ERMARD: variants seen among roughly 807,000 people sequenced by gnomAD.
The protein encoded by ERMARD is endoplasmic reticulum membrane-associated RNA degradation protein.
Under a neutral mutation model 83.9 loss-of-function variants are expected in ERMARD, and 71 were observed. The ratio of observed to expected loss-of-function variants is 0.85; its 90% CI spans 0.70 to 1.03. The LOEUF is 1.03. ERMARD is among the 50% of genes least tolerant of loss of function. The pLI, the probability that ERMARD is intolerant of heterozygous loss-of-function variation, is 0.00. For synonymous variants in ERMARD, 284 were observed against 298.6 expected (o/e 0.95, Z 0.50); for missense variants, 838 against 810.9 (o/e 1.03, Z -0.41).
chr6:169,753,724 C>G (rs1790448224), intron 1 of ERMARD, 140 bp from the exon 2 acceptor site: 1 of 514,544 alleles, frequency 1.9e-6, no homozygotes, highest in Admixed American at 3.5e-5. Flanking sequence ...TTTAATCATA[C>G]AGCTCTCACG....
chr6:169,779,916 G>A (rs768339710), intron 17 of ERMARD, among the ~76,000 whole-genome samples: 35 of 152,334 alleles, frequency 2.3e-4, no homozygotes, highest in Non-Finnish European at 1.8e-4. Context: ...AGGCTTCCGG[G>A]CAGAGGTCAA....
chr6:169,767,800 C>T (rs550274675), intron 10 of ERMARD: 34 of 377,408 alleles, frequency 9.0e-5, no homozygotes, highest in African/African-American at 6.6e-4. Context: ...TGCATATAAA[C>T]ACACAAATGT....
chr6:169,753,331 A>T (rs1790385396), intron 1 of ERMARD: 1 of 154,320 alleles, frequency 6.5e-6, no homozygotes, highest in Non-Finnish European at 1.5e-5. Context: ...ATGTTTTGGG[A>T]TGACATTGTG....
chr6:169,762,585 C>A (rs1264796110), intron 9 of ERMARD, 54 bp downstream of exon 9: 2 of 1,456,884 alleles, frequency 1.4e-6, no homozygotes, highest in East Asian at 4.6e-5. Flanking sequence ...TAACAGTTTT[C>A]TGTTACCAAT....
chr6:169,774,101 C>A (rs111948095), intron 13 of ERMARD, among the ~76,000 whole-genome samples: 1 of 152,100 alleles, frequency 6.6e-6, no homozygotes, highest in African/African-American at 2.4e-5. Flanking sequence ...TTTGGGAGGC[C>A]GAGGCGGGCG....
At chr6:169,756,943 C>A in intron 5 of ERMARD, 135 bp downstream of exon 5, 1 of 759,108 alleles carries the variant, frequency 1.3e-6, no homozygotes, top group East Asian at 2.6e-5. Flanking sequence ...GCCTCAGAAT[C>A]ATGGCAGGAG....
chr6:169,762,580 GTTTTCTGTTACCAATTAAAAGTTTTT>G, intron 9 of ERMARD, 49 bp downstream of exon 9: 3 of 1,475,340 alleles, frequency 2.0e-6, no homozygotes, highest in Non-Finnish European at 2.8e-6. Flanking sequence ...TGTATTAACA[GTTTTCTGTTACCAATTAAAAGTTTTT>G]AAAAATGTTA....
At chr6:169,767,819 C>T (rs1182992932) in intron 10 of ERMARD, 2 of 420,368 alleles carry the variant, frequency 4.8e-6, no homozygotes, top group Admixed American at 3.8e-5. Flanking sequence ...GTACACACCC[C>T]CACACCACAT....
Position 169,776,690 on chromosome 6 carries a change from C to A in ERMARD, c.1739+17C>A. 1.9e-6 allele frequency: 3 copies of A among 1,612,106 alleles called. No homozygotes were observed. Among genetic ancestry groups the A allele is most frequent in the Non-Finnish European group, 2.5e-6 (3 of 1,179,564 alleles). ...GTGGAGTAGGTGCGCGCTCACTTTC[C>A]TGTTTTGGAGGGGCACTGTGGGGCA... is the stretch of plus-strand genomic sequence containing the variant. On this transcript the variant is annotated intron_variant, in intron 16 of 17. Transcript: ENST00000366773.
At chr6:169,768,761 G>A (rs570543325) in intron 11 of ERMARD, among the ~76,000 whole-genome samples, 17 of 152,196 alleles carry the variant, frequency 1.1e-4, no homozygotes, top group Middle Eastern at 3.4e-3. Context: ...GCAAGACTCC[G>A]TCTGAAAATA....
chr6:169,764,808 TCCTCAC>T (rs1032081696), intron 9 of ERMARD, among the ~76,000 whole-genome samples: 1 of 152,214 alleles, frequency 6.6e-6, no homozygotes, highest in Non-Finnish European at 1.5e-5. Flanking sequence ...CTTACTTTGT[TCCTCAC>T]CCCCAGATTT....
chr6:169,776,587 C>G lies in ERMARD; in HGVS notation c.1653C>G (p.Thr551=). The change falls in exon 16 of 18, where the codon ACC becomes ACG. Residue 551 remains threonine (T), a synonymous_variant. Coordinates refer to ENST00000366773, the MANE Select transcript of ERMARD (RefSeq NM_018341.3). ...EQCRRVSSQV[T]VASELRHRQW... ...GCCGCCGTGTGTCCAGCCAGGTCAC[C>G]GTTGCCTCAGAGCTGAGACACAGGC... The G allele has an allele frequency of 1.2e-6, 2 of 1,614,234 alleles. No homozygotes were observed. The highest frequency in any genetic ancestry group is 1.7e-6 in the Non-Finnish European group (2 of 1,180,054).
chr6:169,767,679 T>G (rs768155818), intron 10 of ERMARD: 2 of 214,718 alleles, frequency 9.3e-6, no homozygotes, highest in Non-Finnish European at 1.9e-5. Context: ...ACAACACACA[T>G]GCACACACCA....
At position 169,776,072 on chromosome 6, in the gene ERMARD, TC is replaced by T. The variant is rs1175760086; in HGVS notation, c.1520+9del. On this transcript the variant is annotated splice_region_variant and intron_variant, in intron 15 of 17. Coordinates refer to ENST00000366773, the MANE Select transcript of ERMARD (RefSeq NM_018341.3). Reference sequence around the variant, plus strand: ...ATCGTCTTCCTACTGAGACGTAAGTTCCAGGACATCCTGACAACTGTTGAAA... The same window carrying T: ...ATCGTCTTCCTACTGAGACGTAAGTTCAGGACATCCTGACAACTGTTGAAA... 2 of 1,611,608 alleles carry T rather than the reference TC, an allele frequency of 1.2e-6. No individual in the cohort carries two copies. The highest frequency in any genetic ancestry group is 2.2e-5 in the South Asian group (2 of 90,198).
At chr6:169,775,777 T>C in intron 14 of ERMARD, 163 bp from the exon 15 acceptor site, 1 of 916,434 alleles carries the variant, frequency 1.1e-6, no homozygotes. Flanking sequence ...GCATCGTTTG[T>C]TTCTCCACTG....
At chr6:169,757,183 A>T (rs1225097614) in intron 5 of ERMARD, among the ~76,000 whole-genome samples, 5 of 152,152 alleles carry the variant, frequency 3.3e-5, no homozygotes, top group African/African-American at 9.7e-5. Flanking sequence ...ACACAGCCAA[A>T]CCATATCACG....
upstream of ERMARD, chr6:169,751,316 C>T (rs1169545209): frequency 6.2e-7 from 1 of 1,607,604 alleles, no homozygotes; most frequent in Non-Finnish European, 8.5e-7. Context: ...CCGTCTCGGG[C>T]CCCTAGCAGT....
intron 16 of ERMARD, among the ~76,000 whole-genome samples, chr6:169,778,319 T>G (rs951313442): frequency 1.4e-4 from 21 of 152,258 alleles, no homozygotes; most frequent in Non-Finnish European, 4.4e-5. Flanking sequence ...ATATTGTTTG[T>G]AATTTGGGCA....
At chr6:169,751,915 C>T in intron 1 of ERMARD, 1 of 520,332 alleles carries the variant, frequency 1.9e-6, no homozygotes, top group South Asian at 3.7e-5. Flanking sequence ...GCCTCCTGGC[C>T]CTGAGCTGGA....
Sources: allele counts gnomAD v4.1 joint callset (sites outside exome capture counted in the v4.1 genomes callset), GRCh38; gene constraint gnomAD v4.1.1; transcripts MANE v1.5; gene names NCBI Gene and HGNC (gene_info 2026-07-23, HGNC 2026-07-21).